Variants in MEI1 observed in about 807,000 individuals in gnomAD.
The protein encoded by MEI1 is meiotic double-stranded break formation protein 1.
MEI1 carries 103 observed loss-of-function variants against 146.2 expected under a neutral mutation model. The ratio of observed to expected loss-of-function variants is 0.70; its 90% CI spans 0.60 to 0.83. The LOEUF is 0.83. Among genes scored for constraint, MEI1 ranks in the 40% least tolerant of loss-of-function variants. The probability of loss-of-function intolerance (pLI) is 0.00; values close to 1 mark genes in which losing one functional copy is unlikely to be tolerated. For missense variants in MEI1, 1,529 were observed against 1,533.0 expected, an observed-to-expected ratio of 1.00 and a Z score of 0.04; for synonymous variants, 652 against 628.2, an observed-to-expected ratio of 1.04 and a Z score of -0.57.
At chr22:41,723,864 G>T in intron 6 of MEI1, 79 bp from the exon 7 acceptor site, 1 of 1,483,782 alleles carries the variant, frequency 6.7e-7, no homozygotes, top group African/African-American at 1.4e-5. Flanking sequence ...TTTCTCTGGG[G>T]ATGTCTGAGG....
rs1191457848 is a variant in MEI1, at chr22:41,796,398, A to G, written c.3779+551A>G. Among the ~76,000 whole-genome samples, 7 of 147,382 alleles carry G rather than the reference A, an allele frequency of 4.7e-5. No individual in the cohort carries two copies. In the Admixed American group the frequency reaches 4.8e-4, roughly 10 times the overall value. Reference sequence around the variant, plus strand: ...TTTAGTAGAGACAGGGTTTCACCATATTGGACAGGCTGGTCTCGAACTCCT... The same window carrying G: ...TTTAGTAGAGACAGGGTTTCACCATGTTGGACAGGCTGGTCTCGAACTCCT... On this transcript the variant is annotated intron_variant, in intron 30 of 30. Transcript: ENST00000401548.
chr22:41,702,576 G>C (rs2068790661), intron 1 of MEI1, among the ~76,000 whole-genome samples: 1 of 151,300 alleles, frequency 6.6e-6, no homozygotes, highest in East Asian at 2.0e-4. Flanking sequence ...CTCCCAATTA[G>C]CTGGGGATAT....
At chr22:41,758,595 C>A (rs780400791) in intron 18 of MEI1, 62 bp downstream of exon 18, 2 of 1,512,880 alleles carry the variant, frequency 1.3e-6, no homozygotes, top group South Asian at 1.2e-5. Context: ...CAGTTCAGTT[C>A]AATAAATAAG....
At position 41,732,530 on chromosome 22, in the gene MEI1, C is replaced by T. The variant is rs755841187; in HGVS notation, c.1258C>T (p.Leu420Phe). The change falls in exon 11 of 31, where the codon CTC becomes TTC. Residue 420 changes from leucine (L) to phenylalanine (F), a missense_variant. This residue lies in a region of MEI1 where 1,212 missense variants were observed against 1,178.9 expected (regional missense o/e 1.03). Transcript: ENST00000401548. ...CATGTGCAGAGATGCTGGCCGTGCC[C>T]TCCAAGAAGCAGTTAGCAGCCCTGT... Reference protein sequence around the residue: ...SAMCRDAGRALQEAVSSPVLE... With the variant: ...SAMCRDAGRAFQEAVSSPVLE... The T allele has an allele frequency of 1.2e-6, 2 of 1,613,760 alleles. No homozygotes were observed. The highest frequency in any genetic ancestry group is 1.7e-6 in the Non-Finnish European group (2 of 1,179,894).
At chr22:41,704,378 GTT>G in intron 2 of MEI1, among the ~76,000 whole-genome samples, 1 of 148,246 alleles carries the variant, frequency 6.7e-6, no homozygotes. Flanking sequence ...AGCACATGGG[GTT>G]TTTTTTTGCT....
chr22:41,703,261 A>G, intron 1 of MEI1, 70 bp from the exon 2 acceptor site: 1 of 1,531,562 alleles, frequency 6.5e-7, no homozygotes, highest in Non-Finnish European at 8.9e-7. Flanking sequence ...GTATTTGGAA[A>G]TTACGGTTGT....
chr22:41,733,402 T>A (rs907090933), intron 11 of MEI1, among the ~76,000 whole-genome samples: 1 of 151,792 alleles, frequency 6.6e-6, no homozygotes, highest in Non-Finnish European at 1.5e-5. Context: ...TGAGCTGAGA[T>A]CACACCACTG....
intron 11 of MEI1, among the ~76,000 whole-genome samples, chr22:41,741,489 T>C (rs2072864806): frequency 6.6e-6 from 1 of 152,256 alleles, no homozygotes; most frequent in Non-Finnish European, 1.5e-5. Flanking sequence ...CAATGACTGT[T>C]GGCTCTTCTG....
rs758267640 is a variant in MEI1, at chr22:41,709,528, C to T, written c.349+3974C>T. ...GGCAGCGGGATGTAGGTGCTGTGCG[C>T]GGGATGCAGCGGCACACGGGCTTTG... On this transcript the variant is annotated intron_variant, in intron 3 of 30. Coordinates refer to ENST00000401548, the MANE Select transcript of MEI1 (RefSeq NM_152513.4). The T allele has an allele frequency of 1.3e-3, 713 of 565,112 alleles. 3 individuals carry two copies. The highest frequency in any genetic ancestry group is 2.0e-3 in the Non-Finnish European group (603 of 297,766). 35.0% of individuals were successfully genotyped at this position (565,112 alleles called of 1,614,324 possible).
intron 19 of MEI1, chr22:41,767,491 A>G: frequency 2.2e-6 from 1 of 446,056 alleles, no homozygotes; most frequent in Non-Finnish European, 4.6e-6. Flanking sequence ...GAGGATCCCC[A>G]ATAGCCAGAG....
intron 6 of MEI1, among the ~76,000 whole-genome samples, chr22:41,719,046 A>G (rs5751142): frequency 0.83 from 122,650 of 147,320 alleles, 51,922 homozygotes; most frequent in African/African-American, 0.95. Context: ...GCAGTGGCGC[A>G]ATCTTGGCTC....
intron 7 of MEI1, among the ~76,000 whole-genome samples, chr22:41,728,746 A>G (rs926983134): frequency 2.0e-5 from 3 of 151,990 alleles, no homozygotes; most frequent in Non-Finnish European, 2.9e-5. Flanking sequence ...CTGTAGTCCC[A>G]GCTACTTGAG....
intron 7 of MEI1, among the ~76,000 whole-genome samples, chr22:41,726,776 T>C (rs968545328): frequency 8.6e-5 from 13 of 151,858 alleles, no homozygotes; most frequent in African/African-American, 3.2e-4. Flanking sequence ...AAAGATTAAT[T>C]TCTTTTTTTT....
At chr22:41,736,803 A>C (rs530686568) in intron 11 of MEI1, among the ~76,000 whole-genome samples, 1 of 152,260 alleles carries the variant, frequency 6.6e-6, no homozygotes, top group South Asian at 2.1e-4. Flanking sequence ...TGTAGAAAAT[A>C]ACATAGGTTC....
intron 14 of MEI1, among the ~76,000 whole-genome samples, chr22:41,747,806 A>T (rs895045217): frequency 1.3e-5 from 2 of 150,860 alleles, no homozygotes; most frequent in Non-Finnish European, 2.9e-5. Context: ...GAAACATGAG[A>T]GTCACTCTGC....
intron 2 of MEI1, 66 bp from the exon 3 acceptor site, chr22:41,705,438 T>C: frequency 7.2e-7 from 1 of 1,384,410 alleles, no homozygotes; most frequent in Non-Finnish European, 1.0e-6. Context: ...CCCAAATTGC[T>C]GGGGTACAGA....
chr22:41,717,979 A>G (rs975577524), intron 5 of MEI1, 92 bp from the exon 6 acceptor site: 1 of 1,091,906 alleles, frequency 9.2e-7, no homozygotes, highest in African/African-American at 1.6e-5. Context: ...GGGACTTACC[A>G]TTACTACCCC....
At chr22:41,750,940 G>T (rs2073703124) in intron 15 of MEI1, among the ~76,000 whole-genome samples, 1 of 152,126 alleles carries the variant, frequency 6.6e-6, no homozygotes, top group South Asian at 2.1e-4. Context: ...CTAGTCTTGG[G>T]GCGCTGGATG....
intron 12 of MEI1, 78 bp from the exon 13 acceptor site, chr22:41,744,895 G>T (rs1283129369): frequency 3.7e-5 from 30 of 805,996 alleles, no homozygotes; most frequent in African/African-American, 5.4e-5. Flanking sequence ...AGAAGAAGAG[G>T]TCTACAGTCA....
Sources: gnomAD v4.1 joint callset for allele counts (sites outside exome capture counted in the v4.1 genomes callset) on GRCh38, gnomAD v4.1.1 for gene constraint, gnomAD v4.1.1 regional missense constraint, MANE v1.5 for transcripts, NCBI Gene and HGNC (gene_info 2026-07-23, HGNC 2026-07-21) for gene names.